Variants in CPSF4 observed in about 807,000 individuals in gnomAD.
CPSF4 encodes cleavage and polyadenylation specificity factor subunit 4.
CPSF4 carries 11 observed loss-of-function variants against 37.7 expected under a neutral mutation model. The observed-to-expected ratio is 0.29, with a 90% CI of 0.18 to 0.48. CPSF4 has a LOEUF of 0.48. CPSF4 is among the 20% of genes least tolerant of loss of function. The pLI is 0.99. For missense variants in CPSF4, 144 were observed against 359.5 expected (o/e 0.40, Z 4.85); for synonymous variants, 132 against 135.9 (o/e 0.97, Z 0.20).
intron 7 of CPSF4, 83 bp downstream of exon 7, chr7:99,454,219 A>T: frequency 7.9e-7 from 1 of 1,259,698 alleles, no homozygotes; most frequent in Non-Finnish European, 1.1e-6. Flanking sequence ...GTTTGGTGAA[A>T]TGAGAAAAAT....
chr7:99,439,292 C>A, intron 1 of CPSF4, 107 bp downstream of exon 1: 2 of 758,076 alleles, frequency 2.6e-6, no homozygotes, highest in African/African-American at 1.8e-5. Flanking sequence ...CCCCCGGCTT[C>A]CTCTGGATCC....
At chr7:99,456,168 T>TAGCAGGTCGCC (rs1165256639) in intron 7 of CPSF4, among the ~76,000 whole-genome samples, 6 of 152,212 alleles carry the variant, frequency 3.9e-5, no homozygotes, top group Admixed American at 1.3e-4. Context: ...AGCAGGTCGC[T>TAGCAGGTCGCC]AGCAGGTCGC....
At chr7:99,444,088 C>T (rs1797273152) in intron 1 of CPSF4, among the ~76,000 whole-genome samples, 1 of 152,206 alleles carries the variant, frequency 6.6e-6, no homozygotes, top group South Asian at 2.1e-4. Flanking sequence ...TGAGATCATT[C>T]CTTCCCTCTG....
intron 3 of CPSF4, 69 bp from the exon 4 acceptor site, chr7:99,450,207 C>T: frequency 8.1e-7 from 1 of 1,241,376 alleles, no homozygotes; most frequent in Non-Finnish European, 1.2e-6. Flanking sequence ...AACCTCTTTT[C>T]CTTGGATGAA....
intron 4 of CPSF4, 150 bp downstream of exon 4, chr7:99,450,521 C>G: frequency 1.3e-6 from 1 of 744,504 alleles, no homozygotes; most frequent in South Asian, 1.7e-5. Context: ...TCTCCCTTGC[C>G]TCTCCCAAGA....
In CPSF4 at chr7:99,450,472, C is replaced by A. The variant is rs1467594517; in HGVS notation, c.403+101C>A. 10 of 849,712 alleles carry A rather than the reference C, an allele frequency of 1.2e-5. No homozygotes were observed. The Admixed American group carries it at 2.0e-4, about 17-fold the overall frequency. The allele number at this position is 849,712 out of a possible 1,614,324, so 52.6% of individuals were successfully genotyped here. ...AGCTGGTCTACCTGTCCCAGCAAAACCTGACATTCTGCAGCTAGCGGCTTT... is the reference window on the plus strand; with the variant it reads ...AGCTGGTCTACCTGTCCCAGCAAAAACTGACATTCTGCAGCTAGCGGCTTT... On this transcript the variant is annotated intron_variant, in intron 4 of 7. Transcript: ENST00000292476.
intron 5 of CPSF4, among the ~76,000 whole-genome samples, chr7:99,451,984 G>C (rs1284697343): frequency 6.6e-6 from 1 of 152,238 alleles, no homozygotes; most frequent in Admixed American, 6.5e-5. Context: ...GTGATGGGAG[G>C]AGGGGCTGAC....
Position 99,456,599 on chromosome 7 carries a change from T to C in CPSF4, c.*99T>C, listed in dbSNP as rs1798329722. The C allele has an allele frequency of 3.1e-6, 3 of 974,766 alleles. No individual in the cohort carries two copies. Among genetic ancestry groups the C allele is most frequent in the Non-Finnish European group, 4.8e-6 (3 of 621,716 alleles). 60.4% of individuals were successfully genotyped at this position (974,766 alleles called of 1,614,324 possible). A position where few individuals can be genotyped will look rare whatever the true frequency, so the allele number is the denominator to read the frequency against. On this transcript the variant is annotated 3_prime_UTR_variant, in exon 8 of 8. Coordinates refer to ENST00000292476, the MANE Select transcript of CPSF4 (RefSeq NM_006693.4). ...TTGTTGGCGCGACTGTGGCTCGAGC[T>C]GGCCCGCAGACACGTGGGTTTCATC...
chr7:99,440,674 A>ATATATATTTTTTT, intron 1 of CPSF4, among the ~76,000 whole-genome samples: 5 of 88,086 alleles, frequency 5.7e-5, no homozygotes, highest in African/African-American at 4.8e-4. Flanking sequence ...ATATATATAT[A>ATATATATTTTTTT]TTTTTTTTTT....
intron 5 of CPSF4, 42 bp from the exon 6 acceptor site, chr7:99,452,326 C>G (rs748294203): frequency 6.4e-7 from 1 of 1,553,420 alleles, no homozygotes; most frequent in African/African-American, 1.4e-5. Context: ...CCTGACCCCA[C>G]TCCTTCTCTT....
intron 1 of CPSF4, among the ~76,000 whole-genome samples, chr7:99,444,191 C>T (rs1797280902): frequency 6.6e-6 from 1 of 152,012 alleles, no homozygotes; most frequent in South Asian, 2.1e-4. Context: ...CACTTTGGCT[C>T]AACGCCTGTA....
At chr7:99,444,231 T>C (rs1374628327) in intron 1 of CPSF4, among the ~76,000 whole-genome samples, 2 of 152,144 alleles carry the variant, frequency 1.3e-5, no homozygotes, top group Non-Finnish European at 2.9e-5. Flanking sequence ...CCGAGGTGGG[T>C]GGATCACCTG....
rs761539832 is a variant in CPSF4, at chr7:99,453,689, C to T, written c.571-277C>T. On this transcript the variant is annotated intron_variant, in intron 6 of 7. Coordinates refer to ENST00000292476, the MANE Select transcript of CPSF4 (RefSeq NM_006693.4). The surrounding 1 kb of genome is among the most constrained non-coding windows in gnomAD (Gnocchi z 4.7). ...CCAAAGTAAGGCCTGATCATGCCCT[C>T]GCCCCACTGCCCCAGAGACCTCCTC... is the stretch of plus-strand genomic sequence containing the variant. 1.0e-5 allele frequency: 4 copies of T among 386,150 alleles called. No homozygotes were observed. Among genetic ancestry groups the T allele is most frequent in the East Asian group, 5.2e-5 (1 of 19,374 alleles). The allele number at this position is 386,150 out of a possible 1,614,324, so 23.9% of individuals were successfully genotyped here. A position where few individuals can be genotyped will look rare whatever the true frequency, so the allele number is the denominator to read the frequency against.
intron 5 of CPSF4, among the ~76,000 whole-genome samples, chr7:99,452,018 G>C (rs112469353): frequency 1.3e-5 from 2 of 152,194 alleles, no homozygotes; most frequent in African/African-American, 4.8e-5. Context: ...CCTGCGGGGA[G>C]GGGGGCTTCC....
intron 1 of CPSF4, among the ~76,000 whole-genome samples, chr7:99,442,655 C>CA (rs751146641): frequency 0.095 from 4,939 of 51,912 alleles, 498 homozygotes; most frequent in African/African-American, 0.14. Flanking sequence ...GACTCCGTCT[C>CA]AAAAAAAAAA....
At chr7:99,451,652 G>A (rs909164708) in intron 5 of CPSF4, among the ~76,000 whole-genome samples, 6 of 152,196 alleles carry the variant, frequency 3.9e-5, no homozygotes, top group Admixed American at 1.3e-4. Context: ...CTCCGAAGAC[G>A]GGTTTTAATT....
rs1352343730 is a variant in CPSF4 at position 99,450,708 on chromosome 7, T to C, written c.410T>C (p.Leu137Pro). 5.0e-6 allele frequency: 8 copies of C among 1,613,110 alleles called. No homozygotes were observed. Among genetic ancestry groups the C allele is most frequent in the Non-Finnish European group, 6.8e-6 (8 of 1,179,178 alleles). The change falls in exon 5 of 8, where the codon CTC (leucine) becomes CCC (proline). Residue 137 changes from leucine to proline, a missense_variant. This residue lies in a region of CPSF4 where 12 missense variants were observed against 100.9 expected (regional missense o/e 0.12). Transcript: ENST00000292476. ...CGGACACTTGGCTCTGCAGGTCCCC[T>C]CTGCAGGCACCGGCACACACGGAGA... Reference protein sequence around the residue: ...YDRGFCKHGPLCRHRHTRRVI... With the variant: ...YDRGFCKHGPPCRHRHTRRVI...
intron 2 of CPSF4, among the ~76,000 whole-genome samples, chr7:99,447,234 C>T (rs1365583058): frequency 6.6e-6 from 1 of 151,114 alleles, no homozygotes; most frequent in African/African-American, 2.4e-5. Context: ...TAGATTTGAG[C>T]TCCTACACCC....
At chr7:99,450,197 A>C (rs888983811) in intron 3 of CPSF4, 79 bp from the exon 4 acceptor site, 4 of 1,100,814 alleles carry the variant, frequency 3.6e-6, no homozygotes, top group African/African-American at 3.1e-5. Context: ...TGGACACCAG[A>C]ACCTCTTTTC....
Sources: gnomAD v4.1 joint callset for allele counts (sites outside exome capture counted in the v4.1 genomes callset) on GRCh38, gnomAD v4.1.1 for gene constraint, gnomAD v4.1.1 regional missense constraint, Gnocchi (gnomAD v3.1) non-coding constraint, MANE v1.5 for transcripts, NCBI Gene and HGNC (gene_info 2026-07-23, HGNC 2026-07-21) for gene names.